The following PDZD11 variants were observed in gnomAD, a reference collection of about 807,000 sequenced individuals.
PDZD11 encodes PDZ domain containing 11, also known as PDZ domain-containing protein 11.
PDZD11 carries 2 observed loss-of-function variants against 13.7 expected under a neutral mutation model. That is an observed-to-expected ratio of 0.15 (90% CI 0.06 to 0.46). The LOEUF is 0.46. PDZD11 is among the 20% of genes least tolerant of loss of function. The probability of loss-of-function intolerance (pLI) is 0.98; values close to 1 mark genes in which losing one functional copy is unlikely to be tolerated. For synonymous variants in PDZD11, 32 were observed against 37.5 expected, an observed-to-expected ratio of 0.85 and a Z score of 0.54; for missense variants, 44 against 111.7, an observed-to-expected ratio of 0.39 and a Z score of 2.73.
Position 70,286,910 on chromosome X carries a change from A to T in PDZD11, c.*172T>A, listed in dbSNP as rs773760012. 145 of 457,166 alleles carry T rather than the reference A, an allele frequency of 3.2e-4. No homozygotes were observed. Among genetic ancestry groups the T allele is most frequent in the Non-Finnish European group, 5.0e-4 (129 of 259,071 alleles). 37.7% of individuals were successfully genotyped at this position (457,166 alleles called of 1,213,427 possible). ...CTTTCAGGGAATGAAGCTCACCTAG[A>T]AAACTAGGGAACTAAAAGTGCAATA... On this transcript the variant is annotated 3_prime_UTR_variant, in exon 7 of 7. Coordinates refer to ENST00000239666, the MANE Select transcript of PDZD11 (RefSeq NM_016484.5).
In PDZD11 at chrX:70,287,301, G is replaced by A; in HGVS notation, c.363C>T (p.Ser121=). ...TGTAGGGAAAGAAGCGCACACGCAT[G>A]CTGATTTCACGAGCTGTCTTCAGGA... ...VEILKTAREI[S]MRVRFFPYNY... The change falls in exon 6 of 7, where the codon AGC becomes AGT. Residue 121 remains serine, a synonymous_variant. Coordinates refer to ENST00000239666, the MANE Select transcript of PDZD11 (RefSeq NM_016484.5). 1 of 1,209,121 alleles carries A rather than the reference G, an allele frequency of 8.3e-7. No homozygotes were observed. Among genetic ancestry groups the A allele is most frequent in the Non-Finnish European group, 1.1e-6 (1 of 893,789 alleles).
intron 2 of PDZD11, 88 bp from the exon 3 acceptor site, chrX:70,288,601 GGAAAAGGAAA>G: frequency 1.4e-6 from 1 of 722,352 alleles, no homozygotes. Flanking sequence ...CCTGAAGTCA[GGAAAAGGAAA>G]GGTCATAGAC....
intron 3 of PDZD11, 82 bp downstream of exon 3, chrX:70,288,348 C>G: frequency 1.0e-6 from 1 of 962,026 alleles, no homozygotes; most frequent in Non-Finnish European, 1.5e-6. Flanking sequence ...CACATCTGCA[C>G]CTGCTTTCCA....
intron 1 of PDZD11, 139 bp downstream of exon 1, chrX:70,289,721 A>C (rs1172543524): frequency 5.3e-6 from 1 of 190,036 alleles, no homozygotes; most frequent in Non-Finnish European, 9.6e-6. Context: ...GCACCGCCCC[A>C]CATTTCCTAG....
At chrX:70,288,956 G>A (rs2085739299) in intron 2 of PDZD11, among the ~76,000 whole-genome samples, 1 of 111,192 alleles carries the variant, frequency 9.0e-6, no homozygotes, top group African/African-American at 3.3e-5. Context: ...CGCCTGTTTC[G>A]GCCTCCCAAA....
chrX:70,287,243 G>T (rs764540615), intron 6 of PDZD11, 33 bp downstream of exon 6: 2 of 1,188,548 alleles, frequency 1.7e-6, no homozygotes, highest in East Asian at 5.9e-5. Context: ...TTAGGGCCCT[G>T]TCAGGAAAGT....
chrX:70,287,254 GA>G (rs771894741), intron 6 of PDZD11, 21 bp downstream of exon 6: 2 of 1,198,459 alleles, frequency 1.7e-6, no homozygotes, highest in South Asian at 1.8e-5. Context: ...TCAGGAAAGT[GA>G]AAAAAGAAAG....
chrX:70,288,001 A>G, intron 4 of PDZD11, 116 bp downstream of exon 4: 2 of 733,476 alleles, frequency 2.7e-6, no homozygotes, highest in Non-Finnish European at 4.2e-6. Flanking sequence ...TGTCTCCATT[A>G]TACCCCTTCT....
At position 70,287,842 on chromosome X, in the gene PDZD11, G is replaced by C. The variant is rs764637335; in HGVS notation, c.229-12C>G. On this transcript the variant is annotated splice_polypyrimidine_tract_variant and intron_variant, in intron 4 of 6. Transcript: ENST00000239666. ...GAGTCAGGAATCACCTGTTGGTAAA[G>C]AGAGAATACATGTGATTGGGATGCG... 6.2e-6 allele frequency: 7 copies of C among 1,127,699 alleles called. No homozygotes were observed. The highest frequency in any genetic ancestry group is 7.3e-6 in the Non-Finnish European group (6 of 820,817). 92.9% of individuals were successfully genotyped at this position (1,127,699 alleles called of 1,213,427 possible).
At chrX:70,289,679 A>G in intron 1 of PDZD11, 181 bp downstream of exon 1, 1 of 227,370 alleles carries the variant, frequency 4.4e-6, no homozygotes, top group East Asian at 1.1e-4. Flanking sequence ...AGCCCAAGGG[A>G]GTGTTAACTA....
chrX:70,289,633 GA>G (rs2085745486), intron 1 of PDZD11: 1 of 327,096 alleles, frequency 3.1e-6, no homozygotes, highest in African/African-American at 2.6e-5. Flanking sequence ...TGGAGAAGAG[GA>G]AATCAGGGTC....
In PDZD11 at chrX:70,287,262, A is replaced by G. The variant is rs1368895410; in HGVS notation, c.388+14T>C. On this transcript the variant is annotated intron_variant, in intron 6 of 6. Coordinates refer to ENST00000239666, the MANE Select transcript of PDZD11 (RefSeq NM_016484.5). ...GGCCCTGTCAGGAAAGTGAAAAAAG[A>G]AAGTGGCACTTACTGTAGGGAAAGA... 8.3e-7 allele frequency: 1 copy of G among 1,203,782 alleles called. No individual in the cohort carries two copies. Among genetic ancestry groups the G allele is most frequent in the Non-Finnish European group, 1.1e-6 (1 of 888,399 alleles).
At chrX:70,287,488 C>G in intron 5 of PDZD11, 152 bp from the exon 6 acceptor site, 1 of 526,945 alleles carries the variant, frequency 1.9e-6, no homozygotes, top group South Asian at 3.0e-5. Context: ...CTTTCTCTCT[C>G]TCTTTTTGTT....
chrX:70,289,248 T>C lies in PDZD11; in HGVS notation c.87+7A>G. 8.4e-7 allele frequency: 1 copy of C among 1,197,028 alleles called. No homozygotes were observed. The highest frequency in any genetic ancestry group is 1.1e-6 in the Non-Finnish European group (1 of 884,771). On this transcript the variant is annotated splice_region_variant and intron_variant, in intron 2 of 6. Coordinates refer to ENST00000239666, the MANE Select transcript of PDZD11 (RefSeq NM_016484.5). ...ATCTCCTACTCAGGAATACAGATGG[T>C]TCCCACCTCATGAGGAGGAATCCAT... is the stretch of plus-strand genomic sequence containing the variant.
At chrX:70,288,265 G>A in intron 3 of PDZD11, 92 bp from the exon 4 acceptor site, 1 of 887,106 alleles carries the variant, frequency 1.1e-6, no homozygotes, top group Middle Eastern at 2.7e-4. Context: ...CAGCTTGTGT[G>A]TCCCTGAGAG....
At chrX:70,289,698 G>T (rs969603350) in intron 1 of PDZD11, 162 bp downstream of exon 1, 7 of 201,612 alleles carry the variant, frequency 3.5e-5, no homozygotes, top group Admixed American at 7.0e-5. Flanking sequence ...TATCCGCAGG[G>T]ACTCGGGGCA....
intron 2 of PDZD11, 97 bp downstream of exon 2, chrX:70,289,158 C>T: frequency 4.5e-6 from 3 of 663,848 alleles, no homozygotes; most frequent in Non-Finnish European, 6.8e-6. Flanking sequence ...GATTCACTCT[C>T]CGTTTCGCCT....
chrX:70,289,649 C>A, intron 1 of PDZD11: 1 of 287,965 alleles, frequency 3.5e-6, no homozygotes, highest in South Asian at 5.6e-5. Context: ...AGGGTCGAGT[C>A]TAAAAAGATC....
chrX:70,288,572 T>G, intron 2 of PDZD11, 59 bp from the exon 3 acceptor site: 1 of 909,933 alleles, frequency 1.1e-6, no homozygotes, highest in Non-Finnish European at 1.6e-6. Flanking sequence ...TACCTTCATC[T>G]GAAACACTAA....
Sources: allele counts gnomAD v4.1 joint callset (sites outside exome capture counted in the v4.1 genomes callset), GRCh38; gene constraint gnomAD v4.1.1; transcripts MANE v1.5; gene names NCBI Gene and HGNC (gene_info 2026-07-23, HGNC 2026-07-21).